Variants in CSRNP3 observed in about 807,000 individuals in gnomAD.
CSRNP3 encodes the protein cysteine/serine-rich nuclear protein 3.
Under a neutral mutation model 48.0 loss-of-function variants are expected in CSRNP3, and 12 were observed. That is an observed-to-expected ratio of 0.25 (90% confidence interval 0.16 to 0.41). The LOEUF is 0.41. CSRNP3 is among the 10% of genes least tolerant of loss of function. The probability of loss-of-function intolerance (pLI) is 1.00; values close to 1 mark genes in which losing one functional copy is unlikely to be tolerated. For missense variants in CSRNP3, 580 were observed against 724.4 expected (o/e 0.80, Z 2.29); for synonymous variants, 263 against 269.7 (o/e 0.98, Z 0.24).
At chr2:165,541,359 C>T (rs897626551) in intron 3 of CSRNP3, among the ~76,000 whole-genome samples, 6 of 151,938 alleles carry the variant, frequency 3.9e-5, no homozygotes, top group African/African-American at 1.4e-4. Flanking sequence ...TCATATGGCT[C>T]CTAGAATTCT....
chr2:165,680,315 A>G lies in CSRNP3; in HGVS notation c.*562A>G, dbSNP rs913316398. 1.3e-5 allele frequency: 2 copies of G among 153,098 alleles called. No individual in the cohort carries two copies. Among genetic ancestry groups the G allele is most frequent in the Non-Finnish European group, 2.9e-5 (2 of 68,430 alleles). 9.5% of individuals were successfully genotyped at this position (153,098 alleles called of 1,614,324 possible). ...ATAGCTAGTTCCACAGAGCATGCCC[A>G]CATGGATTGCATCTGGAATCCATTC... On this transcript the variant is annotated 3_prime_UTR_variant, in exon 7 of 7. Coordinates refer to ENST00000651982, the MANE Select transcript of CSRNP3 (RefSeq NM_001172173.2).
intron 3 of CSRNP3, among the ~76,000 whole-genome samples, chr2:165,590,608 T>A (rs1208991993): frequency 6.6e-6 from 1 of 151,916 alleles, no homozygotes; most frequent in Admixed American, 6.6e-5. Context: ...CGGTGGGAGG[T>A]AATTGAATCA....
chr2:165,542,416 A>G (rs903150418), intron 3 of CSRNP3, among the ~76,000 whole-genome samples: 5 of 152,198 alleles, frequency 3.3e-5, no homozygotes, highest in African/African-American at 1.2e-4. Context: ...GTGTGTACGT[A>G]TGAGTGTAAG....
intron 3 of CSRNP3, among the ~76,000 whole-genome samples, chr2:165,571,012 T>C (rs1224253036): frequency 6.6e-6 from 1 of 151,990 alleles, no homozygotes; most frequent in Non-Finnish European, 1.5e-5. Context: ...ATTCTGGTTT[T>C]AAATTATTTT....
Position 165,679,589 on chromosome 2 carries a change from C to T in CSRNP3, c.1594C>T (p.His532Tyr). The change falls in exon 7 of 7, where the codon CAC (histidine) becomes TAC (tyrosine). Residue 532 changes from histidine to tyrosine, a missense_variant. Around this residue, in one of 4 missense-constraint regions of CSRNP3, gnomAD observed 369 missense variants for 380.8 expected, o/e 0.97. Transcript: ENST00000651982. Reference sequence around the variant, plus strand: ...GTCCAATCACCCTCAAGTGGAATTTCACTCATACTTGAAAGGCCCCTCCCA... The same window carrying T: ...GTCCAATCACCCTCAAGTGGAATTTTACTCATACTTGAAAGGCCCCTCCCA... ...HRSNHPQVEFHSYLKGPSQEG... is the reference protein window; with the variant it reads ...HRSNHPQVEFYSYLKGPSQEG... 6.2e-7 allele frequency: 1 copy of T among 1,614,054 alleles called. No homozygotes were observed. The highest frequency in any genetic ancestry group is 8.5e-7 in the Non-Finnish European group (1 of 1,179,964).
chr2:165,626,350 A>G (rs1686435891), intron 4 of CSRNP3, among the ~76,000 whole-genome samples: 1 of 152,212 alleles, frequency 6.6e-6, no homozygotes, highest in African/African-American at 2.4e-5. Flanking sequence ...TGGACATCTA[A>G]GGTAAGAATA....
In CSRNP3 at chr2:165,657,845, G is replaced by A. The variant is rs1477305980; in HGVS notation, c.233G>A (p.Arg78Lys). ...SCVTVYYFTRRQGFTSVPSQG... is the reference protein window; with the variant it reads ...SCVTVYYFTRKQGFTSVPSQG... ...GTCACCGTGTACTACTTCACCAGGA[G>A]GCAAGGCTTCACAAGTGTGCCCAGT... The change falls in exon 5 of 7, where the codon AGG (arginine) becomes AAG (lysine). Residue 78 changes from arginine (R) to lysine (K), a missense_variant. Physicochemically the swap from Arg to Lys is conservative, Grantham distance 26 (BLOSUM62 2). Coordinates refer to ENST00000651982, the MANE Select transcript of CSRNP3 (RefSeq NM_001172173.2). 1 of 1,614,054 alleles carries A rather than the reference G, an allele frequency of 6.2e-7. No homozygotes were observed. The highest frequency in any genetic ancestry group is 1.1e-5 in the South Asian group (1 of 91,074).
chr2:165,559,944 C>T (rs1460182292), intron 3 of CSRNP3, among the ~76,000 whole-genome samples: 7 of 151,676 alleles, frequency 4.6e-5, no homozygotes, highest in South Asian at 2.1e-4. Context: ...GGACTACAGG[C>T]GCCCGCCACC....
chr2:165,648,651 T>C (rs993362225), intron 4 of CSRNP3, among the ~76,000 whole-genome samples: 1 of 152,130 alleles, frequency 6.6e-6, no homozygotes, highest in African/African-American at 2.4e-5. Flanking sequence ...TTTGTTGTTG[T>C]TTTTTGTAGA....
intron 1 of CSRNP3, among the ~76,000 whole-genome samples, chr2:165,475,377 G>A (rs796953365): frequency 1.3e-5 from 2 of 152,186 alleles, no homozygotes; most frequent in African/African-American, 4.8e-5. Flanking sequence ...CTGATCTTGG[G>A]GATGCCATTA....
chr2:165,667,063 G>GA, intron 5 of CSRNP3, among the ~76,000 whole-genome samples: 1 of 130,920 alleles, frequency 7.6e-6, no homozygotes, highest in Non-Finnish European at 1.7e-5. Flanking sequence ...AGGAAGGAAG[G>GA]AAGGAAAGAG....
intron 3 of CSRNP3, among the ~76,000 whole-genome samples, chr2:165,520,035 TA>T (rs1238784987): frequency 6.6e-6 from 1 of 152,156 alleles, no homozygotes; most frequent in African/African-American, 2.4e-5. Flanking sequence ...GTTGTAAATG[TA>T]TGTAAAATCA....
At chr2:165,625,673 A>C (rs1686419895) in intron 4 of CSRNP3, among the ~76,000 whole-genome samples, 1 of 151,652 alleles carries the variant, frequency 6.6e-6, no homozygotes, top group African/African-American at 2.4e-5. Context: ...ATATGAGGCC[A>C]GGCATGGTGA....
chr2:165,613,361 G>C (rs901987049), intron 4 of CSRNP3, among the ~76,000 whole-genome samples: 1 of 151,912 alleles, frequency 6.6e-6, no homozygotes, highest in Non-Finnish European at 1.5e-5. Flanking sequence ...TCTTCACTCT[G>C]TTGATTGTTT....
At chr2:165,558,570 T>C (rs1223129237) in intron 3 of CSRNP3, among the ~76,000 whole-genome samples, 3 of 152,042 alleles carry the variant, frequency 2.0e-5, no homozygotes, top group Non-Finnish European at 4.4e-5. Flanking sequence ...AAGGGGAAAA[T>C]GTTCAGGTAA....
intron 4 of CSRNP3, among the ~76,000 whole-genome samples, chr2:165,598,128 A>G (rs757959953): frequency 6.6e-6 from 1 of 152,190 alleles, no homozygotes; most frequent in Non-Finnish European, 1.5e-5. Flanking sequence ...GGTTGATAGT[A>G]GTCCCAAACA....
intron 3 of CSRNP3, among the ~76,000 whole-genome samples, chr2:165,559,674 A>G (rs1332053409): frequency 6.6e-6 from 1 of 152,100 alleles, no homozygotes; most frequent in Non-Finnish European, 1.5e-5. Context: ...ATGTAAAATA[A>G]TACAATTAAG....
chr2:165,659,275 T>G (rs1687059863), intron 5 of CSRNP3, among the ~76,000 whole-genome samples: 1 of 150,896 alleles, frequency 6.6e-6, no homozygotes. Context: ...GGTAGGGGAG[T>G]CGGAGAGAGA....
chr2:165,599,766 G>A (rs995335381), intron 4 of CSRNP3, among the ~76,000 whole-genome samples: 3 of 151,932 alleles, frequency 2.0e-5, no homozygotes, highest in African/African-American at 7.3e-5. Flanking sequence ...GGTTTTGTTG[G>A]ATGTGAATCA....
Sources: allele counts gnomAD v4.1 joint callset (sites outside exome capture counted in the v4.1 genomes callset), GRCh38; gene constraint gnomAD v4.1.1; regional missense constraint gnomAD v4.1.1; transcripts MANE v1.5; gene names NCBI Gene and HGNC (gene_info 2026-07-23, HGNC 2026-07-21).